FRMD5: variants seen among roughly 807,000 people sequenced by gnomAD.
FRMD5 encodes FERM domain containing 5.
Under a neutral mutation model 69.0 loss-of-function variants are expected in FRMD5, and 20 were observed. The ratio of observed to expected loss-of-function variants is 0.29; its 90% CI spans 0.20 to 0.42. The LOEUF (loss-of-function observed/expected upper bound fraction) is 0.42. Among genes scored for constraint, FRMD5 ranks in the 10% least tolerant of loss-of-function variants. FRMD5 has a pLI of 1.00. For synonymous variants in FRMD5, 271 were observed against 260.1 expected, an observed-to-expected ratio of 1.04 and a Z score of -0.40; for missense variants, 595 against 708.6, an observed-to-expected ratio of 0.84 and a Z score of 1.82.
chr15:44,098,615 A>T (rs2076591385), intron 1 of FRMD5, among the ~76,000 whole-genome samples: 1 of 152,054 alleles, frequency 6.6e-6, no homozygotes, highest in African/African-American at 2.4e-5. Context: ...CTTTATCCAC[A>T]GAGTTAGAAA....
chr15:44,123,837 G>A (rs868121697), intron 1 of FRMD5, among the ~76,000 whole-genome samples: 4 of 152,120 alleles, frequency 2.6e-5, no homozygotes, highest in Non-Finnish European at 5.9e-5. Flanking sequence ...TAGCTTTAAA[G>A]TACTACCGCT....
intron 1 of FRMD5, among the ~76,000 whole-genome samples, chr15:44,115,072 A>G (rs2076850094): frequency 6.6e-6 from 1 of 152,232 alleles, no homozygotes; most frequent in African/African-American, 2.4e-5. Context: ...AGCTAATATT[A>G]TGAAGACCAA....
At chr15:44,191,403 T>C (rs914997100) in intron 1 of FRMD5, among the ~76,000 whole-genome samples, 2 of 151,816 alleles carry the variant, frequency 1.3e-5, no homozygotes, top group African/African-American at 2.4e-5. Flanking sequence ...CTGGCCAACA[T>C]GGTGAAACCT....
At chr15:44,002,902 T>A (rs1339931353) in intron 1 of FRMD5, among the ~76,000 whole-genome samples, 1 of 152,084 alleles carries the variant, frequency 6.6e-6, no homozygotes, top group Non-Finnish European at 1.5e-5. Context: ...TCCATACTTG[T>A]AACTCCCTTT....
chr15:44,192,586 C>G (rs1038519142), intron 1 of FRMD5, among the ~76,000 whole-genome samples: 3 of 152,090 alleles, frequency 2.0e-5, no homozygotes, highest in Non-Finnish European at 4.4e-5. Flanking sequence ...TAAGCACATG[C>G]ACATATACAC....
At chr15:44,103,052 A>G (rs910485094) in intron 1 of FRMD5, among the ~76,000 whole-genome samples, 3 of 152,224 alleles carry the variant, frequency 2.0e-5, no homozygotes, top group African/African-American at 7.2e-5. Context: ...TTTTCCTCCT[A>G]TTATTCAAAG....
chr15:44,167,891 A>G (rs2077736960), intron 1 of FRMD5, among the ~76,000 whole-genome samples: 1 of 152,198 alleles, frequency 6.6e-6, no homozygotes, highest in Admixed American at 6.5e-5. Flanking sequence ...GGGCCCAGTC[A>G]TTACAATTTA....
chr15:43,927,554 G>C (rs1212236895), intron 1 of FRMD5, among the ~76,000 whole-genome samples: 1 of 152,172 alleles, frequency 6.6e-6, no homozygotes. Context: ...AGGTATTTCA[G>C]GTTCTCTGGG....
chr15:44,153,930 T>A (rs891679017), intron 1 of FRMD5, among the ~76,000 whole-genome samples: 1 of 152,082 alleles, frequency 6.6e-6, no homozygotes, highest in African/African-American at 2.4e-5. Context: ...ATGGCGCCAC[T>A]GCACTCCAGC....
chr15:43,993,409 G>C (rs1447358098), intron 1 of FRMD5, among the ~76,000 whole-genome samples: 5 of 152,098 alleles, frequency 3.3e-5, no homozygotes, highest in African/African-American at 1.2e-4. Context: ...TGGCCAGGTT[G>C]GTCTCAATCT....
At chr15:44,122,486 G>A (rs2076966919) in intron 1 of FRMD5, among the ~76,000 whole-genome samples, 1 of 152,132 alleles carries the variant, frequency 6.6e-6, no homozygotes, top group Admixed American at 6.5e-5. Flanking sequence ...GTCTGAGGCA[G>A]GAAGATCGCT....
chr15:43,964,133 G>A (rs562461683), intron 1 of FRMD5, among the ~76,000 whole-genome samples: 5 of 152,166 alleles, frequency 3.3e-5, no homozygotes, highest in Middle Eastern at 3.4e-3. Context: ...TGCAACTTTT[G>A]TTATAATCAT....
intron 1 of FRMD5, among the ~76,000 whole-genome samples, chr15:43,963,922 C>T (rs1002663702): frequency 2.6e-5 from 4 of 151,792 alleles, no homozygotes; most frequent in African/African-American, 4.8e-5. Context: ...TAGGGGAGGG[C>T]GGAGGGATAG....
intron 1 of FRMD5, among the ~76,000 whole-genome samples, chr15:43,981,804 G>C (rs1030349595): frequency 6.6e-6 from 1 of 152,124 alleles, no homozygotes; most frequent in Non-Finnish European, 1.5e-5. Context: ...CATCTCCATC[G>C]AGTTGTCTTC....
chr15:43,951,161 C>A (rs1264901901), intron 1 of FRMD5, among the ~76,000 whole-genome samples: 1 of 151,936 alleles, frequency 6.6e-6, no homozygotes, highest in South Asian at 2.1e-4. Context: ...TGGCTCACAC[C>A]TATAATCCCA....
chr15:43,985,624 G>T (rs1479545246), intron 1 of FRMD5, among the ~76,000 whole-genome samples: 1 of 152,148 alleles, frequency 6.6e-6, no homozygotes, highest in Non-Finnish European at 1.5e-5. Context: ...TATGACCAAA[G>T]GATAAGGATG....
chr15:44,084,879 T>TC (rs1324475277), intron 1 of FRMD5, among the ~76,000 whole-genome samples: 1 of 152,072 alleles, frequency 6.6e-6, no homozygotes, highest in Non-Finnish European at 1.5e-5. Flanking sequence ...AGGCCACCAT[T>TC]CCCCATGGGC....
At chr15:44,166,480 T>C (rs1044386343) in intron 1 of FRMD5, among the ~76,000 whole-genome samples, 7 of 152,150 alleles carry the variant, frequency 4.6e-5, no homozygotes, top group African/African-American at 1.7e-4. Context: ...TCGTTATCTT[T>C]ACACTTAGAA....
intron 1 of FRMD5, among the ~76,000 whole-genome samples, chr15:43,958,232 G>C (rs1438474576): frequency 2.0e-5 from 3 of 152,130 alleles, no homozygotes; most frequent in African/African-American, 4.8e-5. Context: ...GGCTAACACA[G>C]TGGTCAGCAC....
Sources: allele counts gnomAD v4.1 joint callset (sites outside exome capture counted in the v4.1 genomes callset), GRCh38; gene constraint gnomAD v4.1.1; transcripts MANE v1.5; gene names NCBI Gene and HGNC (gene_info 2026-07-23, HGNC 2026-07-21).